Variants in AJAP1 observed in about 807,000 individuals in gnomAD.
The protein encoded by AJAP1 is adherens junction-associated protein 1.
A neutral mutation model predicts 35.0 loss-of-function variants in AJAP1; 5 were observed. That is an observed-to-expected ratio of 0.14 (90% confidence interval 0.07 to 0.30). The LOEUF is 0.30. AJAP1 is among the 10% of genes least tolerant of loss of function. The pLI, the probability that AJAP1 is intolerant of heterozygous loss-of-function variation, is 1.00. For missense variants in AJAP1, 586 were observed against 571.0 expected (o/e 1.03, Z -0.27); for synonymous variants, 284 against 249.3 (o/e 1.14, Z -1.31).
intron 5 of AJAP1, among the ~76,000 whole-genome samples, chr1:4,779,863 G>A (rs1642026213): frequency 6.6e-6 from 1 of 152,038 alleles, no homozygotes; most frequent in Admixed American, 6.6e-5. Flanking sequence ...TACCGTTTTA[G>A]GCCAGGCACG....
chr1:4,756,177 C>T (rs545176938), intron 2 of AJAP1, among the ~76,000 whole-genome samples: 3 of 152,274 alleles, frequency 2.0e-5, no homozygotes, highest in African/African-American at 7.2e-5. Flanking sequence ...TGAGCAAGCA[C>T]CTCTCAACAC....
At position 4,654,973 on chromosome 1, in the gene AJAP1, G is replaced by A. The variant is rs1227291346; in HGVS notation, c.-453G>A. The A allele has an allele frequency of 1.3e-5, 2 of 149,874 alleles. No homozygotes were observed. The highest frequency in any genetic ancestry group is 3.0e-5 in the Non-Finnish European group (2 of 67,208). The allele number at this position is 149,874 out of a possible 1,614,324, so 9.3% of individuals were successfully genotyped here. A position where few individuals can be genotyped will look rare whatever the true frequency, so the allele number is the denominator to read the frequency against. On this transcript the variant is annotated 5_prime_UTR_variant, in exon 1 of 6. Coordinates refer to ENST00000378191, the MANE Select transcript of AJAP1 (RefSeq NM_018836.4). The surrounding 1 kb of genome is among the most constrained non-coding windows in gnomAD (Gnocchi z 5.1). ...AGCAGCGCCGCCCCATCGGCGCGGA[G>A]CTCCGGCTGGAGGCAAGAGCCGCGC... is the stretch of plus-strand genomic sequence containing the variant.
At chr1:4,760,852 T>G (rs1480999013) in intron 2 of AJAP1, among the ~76,000 whole-genome samples, 2 of 152,188 alleles carry the variant, frequency 1.3e-5, no homozygotes, top group African/African-American at 4.8e-5. Context: ...CCCCCTACAG[T>G]CATGCCATAC....
At chr1:4,775,375 C>T (rs1160106022) in intron 5 of AJAP1, among the ~76,000 whole-genome samples, 1 of 152,182 alleles carries the variant, frequency 6.6e-6, no homozygotes, top group African/African-American at 2.4e-5. Context: ...TCTACGCATC[C>T]TCATCTTGCT....
At chr1:4,766,493 T>C (rs374747439) in intron 2 of AJAP1, among the ~76,000 whole-genome samples, 2 of 152,208 alleles carry the variant, frequency 1.3e-5, no homozygotes, top group Non-Finnish European at 2.9e-5. Context: ...CTTATGAATT[T>C]TCCATATTTC....
chr1:4,760,005 T>C (rs1641527344), intron 2 of AJAP1, among the ~76,000 whole-genome samples: 1 of 152,150 alleles, frequency 6.6e-6, no homozygotes. Context: ...GAGGCCGACT[T>C]CCTTCCCCCC....
intron 2 of AJAP1, among the ~76,000 whole-genome samples, chr1:4,732,710 C>T (rs370654454): frequency 1.3e-5 from 2 of 152,226 alleles, no homozygotes; most frequent in Admixed American, 6.5e-5. Flanking sequence ...GGCCCTTCCG[C>T]GAGACCTGGG....
chr1:4,675,787 A>T (rs1639349491), intron 1 of AJAP1, among the ~76,000 whole-genome samples: 1 of 152,234 alleles, frequency 6.6e-6, no homozygotes, highest in African/African-American at 2.4e-5. Context: ...GCCTCACATT[A>T]TTCTACAGTT....
rs1261029528 is a variant in AJAP1, at chr1:4,720,236, T to G, written c.829+7537T>G. Reference sequence around the variant, plus strand: ...ACGTGGTTAGACATGAAGACAGGCTTCGGGTCCCCGCTTTCGATGTGGTTC... The same window carrying G: ...ACGTGGTTAGACATGAAGACAGGCTGCGGGTCCCCGCTTTCGATGTGGTTC... On this transcript the variant is annotated intron_variant, in intron 2 of 5. Coordinates refer to ENST00000378191, the MANE Select transcript of AJAP1 (RefSeq NM_018836.4). This position sits in a 1 kb window ranked among gnomAD's most constrained non-coding sequence, Gnocchi z 4.4. 1.3e-5 allele frequency among the ~76,000 whole-genome samples: 2 copies of G among 152,192 alleles called. No homozygotes were observed. Among genetic ancestry groups the G allele is most frequent in the Non-Finnish European group, 2.9e-5 (2 of 68,026 alleles).
intron 2 of AJAP1, among the ~76,000 whole-genome samples, chr1:4,740,803 A>G (rs1641049754): frequency 6.8e-6 from 1 of 147,414 alleles, no homozygotes; most frequent in Admixed American, 6.8e-5. Context: ...AAAAAAAAAA[A>G]AAGCGGGGGG....
At chr1:4,683,999 A>G (rs1207942934) in intron 1 of AJAP1, among the ~76,000 whole-genome samples, 5 of 152,150 alleles carry the variant, frequency 3.3e-5, no homozygotes, top group African/African-American at 1.2e-4. Context: ...GGCATGAAGA[A>G]TGGGGAGGAA....
intron 2 of AJAP1, among the ~76,000 whole-genome samples, chr1:4,745,543 C>T (rs945767265): frequency 1.3e-5 from 2 of 152,194 alleles, no homozygotes; most frequent in Non-Finnish European, 2.9e-5. Context: ...CTCCTCCTTC[C>T]ACCCAGACTG....
intron 2 of AJAP1, among the ~76,000 whole-genome samples, chr1:4,713,659 G>A (rs2100270207): frequency 6.6e-6 from 1 of 152,334 alleles, no homozygotes; most frequent in Admixed American, 6.5e-5. Context: ...CTCTGCCTCT[G>A]TTAACAGGCA....
At chr1:4,666,933 C>T (rs114168592) in intron 1 of AJAP1, among the ~76,000 whole-genome samples, 7,454 of 136,872 alleles carry the variant, frequency 0.054, 686 homozygotes, top group Admixed American at 0.14. Flanking sequence ...GAGAGGGGTG[C>T]GGAGAGGGGC....
In AJAP1 at chr1:4,656,235, CA is replaced by C. The variant is rs1638878416; in HGVS notation, c.29+784del. ...GGGTGTCCAGAAAGACCCTTCTCGG[CA>C]AACTTTGCCAGCCCGCCGGGGTTCT... On this transcript the variant is annotated intron_variant, in intron 1 of 5. Coordinates refer to ENST00000378191, the MANE Select transcript of AJAP1 (RefSeq NM_018836.4). The surrounding 1 kb of genome is among the most constrained non-coding windows in gnomAD (Gnocchi z 5.7). Among the ~76,000 whole-genome samples the C allele has an allele frequency of 6.6e-6, 1 of 152,154 alleles. No individual in the cohort carries two copies. Among genetic ancestry groups the C allele is most frequent in the Non-Finnish European group, 1.5e-5 (1 of 68,034 alleles).
intron 2 of AJAP1, among the ~76,000 whole-genome samples, chr1:4,726,981 C>T (rs1166715062): frequency 6.6e-6 from 1 of 152,202 alleles, no homozygotes; most frequent in Non-Finnish European, 1.5e-5. Flanking sequence ...CTGGGGGATG[C>T]GGATCCCTGT....
At chr1:4,756,576 G>A (rs999217743) in intron 2 of AJAP1, among the ~76,000 whole-genome samples, 6 of 152,196 alleles carry the variant, frequency 3.9e-5, no homozygotes, top group Admixed American at 1.3e-4. Flanking sequence ...GCCGTGAGTG[G>A]AACCCAAGAC....
At chr1:4,713,657 CTG>C (rs1451146864) in intron 2 of AJAP1, among the ~76,000 whole-genome samples, 1 of 152,268 alleles carries the variant, frequency 6.6e-6, no homozygotes, top group African/African-American at 2.4e-5. Flanking sequence ...TTCTCTGCCT[CTG>C]TTAACAGGCA....
chr1:4,770,557 G>A (rs943552476), intron 3 of AJAP1, among the ~76,000 whole-genome samples: 2 of 152,164 alleles, frequency 1.3e-5, no homozygotes, highest in Non-Finnish European at 2.9e-5. Context: ...CCTGCTGCTC[G>A]AAAGCGCCTT....
Sources: allele counts gnomAD v4.1 joint callset (sites outside exome capture counted in the v4.1 genomes callset), GRCh38; gene constraint gnomAD v4.1.1; non-coding constraint Gnocchi (gnomAD v3.1); transcripts MANE v1.5; gene names NCBI Gene and HGNC (gene_info 2026-07-23, HGNC 2026-07-21).